FHIT: variants seen among roughly 807,000 people sequenced by gnomAD.
The protein encoded by FHIT is fragile histidine triad diadenosine triphosphatase, also known as bis(5'-adenosyl)-triphosphatase.
A neutral mutation model predicts 17.9 loss-of-function variants in FHIT; 19 were observed. That is an observed-to-expected ratio of 1.06 (90% CI 0.74 to 1.56). The LOEUF (loss-of-function observed/expected upper bound fraction) is 1.56, where lower values mean the gene tolerates loss of function less well. Ranked by LOEUF, FHIT falls within the 40% of genes most tolerant of loss-of-function variation. FHIT has a pLI of 0.00. For missense variants in FHIT, 248 were observed against 189.2 expected (o/e 1.31, Z -1.82); for synonymous variants, 81 against 69.7 (o/e 1.16, Z -0.81).
At chr3:60,403,236 T>C (rs1366405843) in intron 5 of FHIT, among the ~76,000 whole-genome samples, 1 of 152,188 alleles carries the variant, frequency 6.6e-6, no homozygotes, top group East Asian at 1.9e-4. Context: ...AAGCAATTAG[T>C]AGGTTTGTCT....
intron 2 of FHIT, among the ~76,000 whole-genome samples, chr3:61,153,142 CAAAA>C (rs372065718): frequency 1.3e-5 from 1 of 78,382 alleles, no homozygotes; most frequent in African/African-American, 4.1e-5. Flanking sequence ...GACTCCATCT[CAAAA>C]AAAAAAAAAA....
intron 4 of FHIT, among the ~76,000 whole-genome samples, chr3:60,802,792 C>T (rs782753553): frequency 1.3e-5 from 2 of 151,652 alleles, no homozygotes; most frequent in Non-Finnish European, 2.9e-5. Flanking sequence ...TTCCAGGAAA[C>T]TTAATGTACA....
intron 2 of FHIT, among the ~76,000 whole-genome samples, chr3:61,115,058 G>A (rs1454208819): frequency 6.6e-6 from 1 of 152,006 alleles, no homozygotes; most frequent in East Asian, 1.9e-4. Context: ...CTTTCCATCC[G>A]GAACAGATAA....
intron 4 of FHIT, among the ~76,000 whole-genome samples, chr3:60,637,363 A>G (rs181715626): frequency 1.3e-5 from 2 of 152,166 alleles, no homozygotes; most frequent in African/African-American, 2.4e-5. Flanking sequence ...CTTAAAGATA[A>G]GGGCTATGCC....
At chr3:59,772,600 G>A (rs950836099) in intron 8 of FHIT, among the ~76,000 whole-genome samples, 5 of 152,182 alleles carry the variant, frequency 3.3e-5, no homozygotes, top group Admixed American at 3.3e-4. Context: ...CTGGTGCCAA[G>A]GCCAGCTCTC....
At chr3:61,037,978 T>C (rs988633873) in intron 3 of FHIT, among the ~76,000 whole-genome samples, 9 of 152,216 alleles carry the variant, frequency 5.9e-5, no homozygotes, top group African/African-American at 2.2e-4. Flanking sequence ...ACAGTCCTAG[T>C]CAGTCAGGGA....
intron 3 of FHIT, among the ~76,000 whole-genome samples, chr3:61,012,919 C>G (rs1439003): frequency 0.29 from 43,379 of 151,252 alleles, 7,444 homozygotes; most frequent in African/African-American, 0.48. Context: ...TGAAATATGA[C>G]TTATAGAGAA....
At chr3:61,099,653 G>A (rs61651488) in intron 2 of FHIT, among the ~76,000 whole-genome samples, 7,740 of 152,044 alleles carry the variant, frequency 0.051, 665 homozygotes, top group African/African-American at 0.18. Context: ...GTGGGTGAAC[G>A]TGTCTAGGAA....
chr3:60,748,654 A>C (rs1296009012), intron 4 of FHIT, among the ~76,000 whole-genome samples: 1 of 152,222 alleles, frequency 6.6e-6, no homozygotes, highest in Non-Finnish European at 1.5e-5. Flanking sequence ...TCTACTAAAA[A>C]CACAAAAATT....
intron 8 of FHIT, among the ~76,000 whole-genome samples, chr3:59,864,670 A>G (rs1702556344): frequency 6.6e-6 from 1 of 151,342 alleles, no homozygotes; most frequent in Admixed American, 6.6e-5. Flanking sequence ...GTTCTCATGA[A>G]CTGGTGTTCA....
chr3:60,509,197 C>A (rs2034850217), intron 5 of FHIT, among the ~76,000 whole-genome samples: 1 of 152,128 alleles, frequency 6.6e-6, no homozygotes, highest in Non-Finnish European at 1.5e-5. Context: ...CCAAATGATA[C>A]CAGGACATGT....
In FHIT at chr3:60,367,265, T is replaced by C. The variant is rs1700145634; in HGVS notation, c.103+169595A>G. Reference sequence around the variant, plus strand: ...GGACATTCAAACCCAAATGAATGGCTTCAATTATCCCAGGGTCTATTTCTC... The same window carrying C: ...GGACATTCAAACCCAAATGAATGGCCTCAATTATCCCAGGGTCTATTTCTC... On this transcript the variant is annotated intron_variant, in intron 5 of 9. Transcript: ENST00000492590. 2.0e-5 allele frequency among the ~76,000 whole-genome samples: 3 copies of C among 152,206 alleles called. No homozygotes were observed. In the South Asian group the frequency reaches 6.2e-4, roughly 32 times the overall value.
chr3:59,858,302 C>T (rs1044544533), intron 8 of FHIT, among the ~76,000 whole-genome samples: 2 of 135,468 alleles, frequency 1.5e-5, no homozygotes, highest in African/African-American at 5.7e-5. Context: ...TCTCGGCTCA[C>T]TCCAACCTCC....
intron 4 of FHIT, among the ~76,000 whole-genome samples, chr3:60,754,981 A>G (rs978658667): frequency 2.6e-5 from 4 of 152,218 alleles, no homozygotes; most frequent in Non-Finnish European, 5.9e-5. Flanking sequence ...CATTTATTAG[A>G]AAAAAGGAAA....
intron 5 of FHIT, among the ~76,000 whole-genome samples, chr3:60,043,657 G>A (rs1169308828): frequency 3.0e-5 from 4 of 132,508 alleles, no homozygotes; most frequent in African/African-American, 5.7e-5. Context: ...CATATTCTGT[G>A]CATGTTATAG....
At chr3:60,387,919 G>A (rs1397651912) in intron 5 of FHIT, among the ~76,000 whole-genome samples, 1 of 152,024 alleles carries the variant, frequency 6.6e-6, no homozygotes, top group South Asian at 2.1e-4. Flanking sequence ...TCAAAGGAGT[G>A]AGCCCTCCCT....
intron 7 of FHIT, among the ~76,000 whole-genome samples, chr3:59,989,271 T>C (rs1709122059): frequency 1.3e-5 from 2 of 152,026 alleles, no homozygotes; most frequent in Admixed American, 6.6e-5. Flanking sequence ...TTTGAGAATA[T>C]GGAGACAGCC....
intron 5 of FHIT, among the ~76,000 whole-genome samples, chr3:60,127,391 AT>A (rs1228769892): frequency 2.6e-5 from 4 of 152,176 alleles, no homozygotes; most frequent in Non-Finnish European, 1.5e-5. Context: ...TGACAGGTCT[AT>A]AAATGGCTTC....
chr3:60,689,355 TAC>T (rs1342556633), intron 4 of FHIT, among the ~76,000 whole-genome samples: 1 of 152,214 alleles, frequency 6.6e-6, no homozygotes, highest in Admixed American at 6.5e-5. Flanking sequence ...ACTGAATATG[TAC>T]AGACATTTTA....
Sources: gnomAD v4.1 joint callset for allele counts (sites outside exome capture counted in the v4.1 genomes callset) on GRCh38, gnomAD v4.1.1 for gene constraint, MANE v1.5 for transcripts, NCBI Gene and HGNC (gene_info 2026-07-23, HGNC 2026-07-21) for gene names.